FHIT: variants seen among roughly 807,000 people sequenced by gnomAD.
FHIT encodes the protein bis(5'-adenosyl)-triphosphatase.
FHIT carries 19 observed loss-of-function variants against 17.9 expected under a neutral mutation model. The observed-to-expected ratio is 1.06, with a 90% CI of 0.74 to 1.56. The LOEUF (loss-of-function observed/expected upper bound fraction) is 1.56, where lower values mean the gene tolerates loss of function less well. FHIT is among the 40% of genes most tolerant of loss of function. The probability of loss-of-function intolerance (pLI) is 0.00; values close to 1 mark genes in which losing one functional copy is unlikely to be tolerated. For missense variants in FHIT, 248 were observed against 189.2 expected (o/e 1.31, Z -1.82); for synonymous variants, 81 against 69.7 (o/e 1.16, Z -0.81).
intron 2 of FHIT, among the ~76,000 whole-genome samples, chr3:61,148,677 C>G (rs963124329): frequency 6.6e-6 from 1 of 152,062 alleles, no homozygotes; most frequent in Non-Finnish European, 1.5e-5. Flanking sequence ...TTGTATATGT[C>G]TTTTTCATGA....
intron 3 of FHIT, among the ~76,000 whole-genome samples, chr3:60,866,334 G>T (rs2107034505): frequency 6.6e-6 from 1 of 152,218 alleles, no homozygotes; most frequent in Admixed American, 6.5e-5. Context: ...CTGTGGCTAG[G>T]TTAGAAGAGC....
chr3:60,504,337 G>A (rs1322851584), intron 5 of FHIT, among the ~76,000 whole-genome samples: 1 of 152,004 alleles, frequency 6.6e-6, no homozygotes, highest in African/African-American at 2.4e-5. Context: ...GGGAGGCTGA[G>A]GCAGGAGAAT....
intron 5 of FHIT, among the ~76,000 whole-genome samples, chr3:60,061,072 T>C (rs1158740039): frequency 6.6e-6 from 1 of 152,174 alleles, no homozygotes; most frequent in Non-Finnish European, 1.5e-5. Flanking sequence ...CATGCTCCAT[T>C]CAGACCCACA....
intron 8 of FHIT, among the ~76,000 whole-genome samples, chr3:59,845,181 T>C (rs138970425): frequency 1.2e-3 from 178 of 152,252 alleles, no homozygotes; most frequent in African/African-American, 4.0e-3. Flanking sequence ...TGGTTTTTTT[T>C]CTTAGTCTAG....
At chr3:60,333,455 C>T (rs1710084728) in intron 5 of FHIT, among the ~76,000 whole-genome samples, 1 of 138,370 alleles carries the variant, frequency 7.2e-6, no homozygotes, top group Non-Finnish European at 1.5e-5. Context: ...GATACTGTGC[C>T]CTAAAAGGCA....
intron 2 of FHIT, among the ~76,000 whole-genome samples, chr3:61,180,731 C>A (rs7643636): frequency 0.046 from 6,981 of 152,218 alleles, 514 homozygotes; most frequent in East Asian, 0.27. Flanking sequence ...AATTGCCCTG[C>A]TTTTATTTAA....
At chr3:59,949,102 T>A (rs1416012279) in intron 7 of FHIT, among the ~76,000 whole-genome samples, 1 of 152,182 alleles carries the variant, frequency 6.6e-6, no homozygotes, top group Non-Finnish European at 1.5e-5. Context: ...TGTCCATGAG[T>A]ACCTGATGTT....
At chr3:60,499,614 C>T (rs147054684) in intron 5 of FHIT, among the ~76,000 whole-genome samples, 35 of 152,192 alleles carry the variant, frequency 2.3e-4, no homozygotes, top group Middle Eastern at 6.8e-3. Flanking sequence ...CTCCTGACCT[C>T]GTGATCCGCC....
chr3:60,847,890 A>G (rs1425144999), intron 3 of FHIT, among the ~76,000 whole-genome samples: 1 of 152,180 alleles, frequency 6.6e-6, no homozygotes, highest in African/African-American at 2.4e-5. Flanking sequence ...GCCAAATGAA[A>G]TAAAGAACTT....
intron 3 of FHIT, among the ~76,000 whole-genome samples, chr3:61,013,540 G>C (rs1371617631): frequency 6.6e-6 from 1 of 152,092 alleles, no homozygotes; most frequent in Admixed American, 6.5e-5. Context: ...TGATTCTGTA[G>C]CAGATTTTTG....
intron 4 of FHIT, among the ~76,000 whole-genome samples, chr3:60,573,672 C>T (rs1470614545): frequency 1.3e-5 from 2 of 152,164 alleles, no homozygotes; most frequent in Non-Finnish European, 2.9e-5. Flanking sequence ...GCGCAGCTGC[C>T]TCCGTTCAAG....
At chr3:61,227,479 G>C (rs1028863394) in intron 1 of FHIT, among the ~76,000 whole-genome samples, 3 of 151,840 alleles carry the variant, frequency 2.0e-5, no homozygotes, top group African/African-American at 7.3e-5. Flanking sequence ...AATATGTTTT[G>C]ACAGCAGTGA....
chr3:59,994,097 G>A (rs77983991), intron 7 of FHIT, among the ~76,000 whole-genome samples: 1,668 of 152,040 alleles, frequency 0.011, 30 homozygotes, highest in African/African-American at 0.038. Context: ...AACTTGTCCA[G>A]GATCACAGAG....
At chr3:61,050,236 G>C (rs1322498001) in intron 2 of FHIT, among the ~76,000 whole-genome samples, 4 of 152,054 alleles carry the variant, frequency 2.6e-5, no homozygotes, top group Non-Finnish European at 4.4e-5. Context: ...TTCCCATACA[G>C]AGAAATAAAT....
At chr3:60,371,227 C>G (rs1559860842) in intron 5 of FHIT, among the ~76,000 whole-genome samples, 2 of 152,184 alleles carry the variant, frequency 1.3e-5, no homozygotes, top group African/African-American at 4.8e-5. Flanking sequence ...ACAAATATAT[C>G]TTTATTCTCC....
chr3:60,891,226 C>T (rs911423776), intron 3 of FHIT, among the ~76,000 whole-genome samples: 2 of 152,090 alleles, frequency 1.3e-5, no homozygotes, highest in African/African-American at 4.8e-5. Context: ...TCCCATCATC[C>T]GTGCACCCAT....
chr3:60,586,163 T>G lies in FHIT; in HGVS notation c.-17-49184A>C, dbSNP rs544690590. Among the ~76,000 whole-genome samples, 9 of 151,984 alleles carry G rather than the reference T, an allele frequency of 5.9e-5. No individual in the cohort carries two copies. In the South Asian group the frequency reaches 8.3e-4, roughly 14 times the overall value. ...ATCCCTCTCACATGAGCACACTGGC[T>G]GCAGTAAAATGAGCAATAGAAACTG... On this transcript the variant is annotated intron_variant, in intron 4 of 9. Transcript: ENST00000492590.
At chr3:60,829,173 T>C (rs985050899) in intron 3 of FHIT, among the ~76,000 whole-genome samples, 1 of 152,168 alleles carries the variant, frequency 6.6e-6, no homozygotes, top group Non-Finnish European at 1.5e-5. Context: ...AGAAACACCA[T>C]AGTAAAGACA....
chr3:60,987,315 A>T (rs969858026), intron 3 of FHIT, among the ~76,000 whole-genome samples: 4 of 152,114 alleles, frequency 2.6e-5, no homozygotes, highest in Non-Finnish European at 5.9e-5. Flanking sequence ...CCTAACACCC[A>T]AGCTGGAAGG....
Sources: allele counts gnomAD v4.1 joint callset (sites outside exome capture counted in the v4.1 genomes callset), GRCh38; gene constraint gnomAD v4.1.1; transcripts MANE v1.5; gene names NCBI Gene and HGNC (gene_info 2026-07-23, HGNC 2026-07-21).